The following NEIL2 variants were observed in gnomAD, a reference collection of about 807,000 sequenced individuals.
The protein encoded by NEIL2 is endonuclease 8-like 2.
Under a neutral mutation model 22.2 loss-of-function variants are expected in NEIL2, and 23 were observed. The observed-to-expected ratio is 1.04, with a 90% CI of 0.75 to 1.47. NEIL2 has a LOEUF of 1.47. Among genes scored for constraint, NEIL2 ranks in the 40% most tolerant of loss-of-function variants. The pLI is 0.00. For synonymous variants in NEIL2, 229 were observed against 164.8 expected (o/e 1.39, Z -2.99); for missense variants, 583 against 404.7 (o/e 1.44, Z -3.78).
chr8:11,776,883 C>T (rs996792448), intron 2 of NEIL2, among the ~76,000 whole-genome samples: 2 of 152,186 alleles, frequency 1.3e-5, no homozygotes, highest in African/African-American at 4.8e-5. Flanking sequence ...TGCTCCTCCT[C>T]TTGGTCCTGA....
chr8:11,784,593 C>T (rs1804730082), intron 4 of NEIL2, among the ~76,000 whole-genome samples: 2 of 152,196 alleles, frequency 1.3e-5, no homozygotes, highest in African/African-American at 2.4e-5. Context: ...AACACACAGA[C>T]ACTCACTTGA....
At chr8:11,783,671 C>G (rs1424504595) in intron 4 of NEIL2, among the ~76,000 whole-genome samples, 2 of 152,210 alleles carry the variant, frequency 1.3e-5, no homozygotes, top group African/African-American at 4.8e-5. Flanking sequence ...AGCATCACCT[C>G]CTAAAGGGTG....
chr8:11,774,743 C>G (rs1803761184), intron 2 of NEIL2, among the ~76,000 whole-genome samples: 1 of 152,196 alleles, frequency 6.6e-6, no homozygotes, highest in Non-Finnish European at 1.5e-5. Flanking sequence ...TGGGTAAATA[C>G]ACCTGTTTCA....
At chr8:11,770,806 T>G (rs1041389654) in intron 1 of NEIL2, among the ~76,000 whole-genome samples, 3 of 151,694 alleles carry the variant, frequency 2.0e-5, no homozygotes, top group Non-Finnish European at 4.4e-5. Context: ...GAGCCCTGCG[T>G]GGTGATTAGA....
chr8:11,786,376 T>C lies in NEIL2; in HGVS notation c.*103T>C. 8.6e-7 allele frequency: 1 copy of C among 1,161,650 alleles called. No homozygotes were observed. Among genetic ancestry groups the C allele is most frequent in the Non-Finnish European group, 1.3e-6 (1 of 793,266 alleles). 72.0% of individuals were successfully genotyped at this position (1,161,650 alleles called of 1,614,324 possible). On this transcript the variant is annotated 3_prime_UTR_variant, in exon 5 of 5. Coordinates refer to ENST00000284503, the MANE Select transcript of NEIL2 (RefSeq NM_145043.4). ...CAGGGACGGGGTACAGAGGATAGTG[T>C]GGGTCAGAGGTGCCAGTAGTATAAT...
intron 2 of NEIL2, among the ~76,000 whole-genome samples, chr8:11,776,211 GC>G (rs1803892327): frequency 6.6e-6 from 1 of 152,218 alleles, no homozygotes. Flanking sequence ...ATGGCAGCAG[GC>G]AAGAAAGAGC....
chr8:11,783,365 T>C lies in NEIL2; in HGVS notation c.654T>C (p.Tyr218=). The part of the protein sequence containing the change: ...EALGQAQPVC[Y]TLLDQRYFSG... Reference sequence around the variant, plus strand: ...TAGGCCAGGCTCAGCCTGTCTGCTATACACTGCTGGACCAGAGATACTTCT... The same window carrying C: ...TAGGCCAGGCTCAGCCTGTCTGCTACACACTGCTGGACCAGAGATACTTCT... Residue 218 remains tyrosine (Y), a synonymous_variant, in exon 4 of 5, where the codon TAT becomes TAC. Transcript: ENST00000284503. The C allele has an allele frequency of 6.2e-7, 1 of 1,614,196 alleles. No homozygotes were observed. Among genetic ancestry groups the C allele is most frequent in the South Asian group, 1.1e-5 (1 of 91,086 alleles).
intron 3 of NEIL2, among the ~76,000 whole-genome samples, chr8:11,781,011 A>G (rs1470008169): frequency 2.6e-5 from 4 of 151,744 alleles, no homozygotes; most frequent in Admixed American, 6.6e-5. Context: ...GGCATTTGGG[A>G]TTTTAAATTT....
intron 3 of NEIL2, among the ~76,000 whole-genome samples, chr8:11,780,522 G>T (rs528515051): frequency 2.6e-5 from 4 of 152,142 alleles, no homozygotes; most frequent in South Asian, 2.1e-4. Flanking sequence ...TGGGACTACA[G>T]GTGCGTGCCA....
chr8:11,775,832 G>T (rs1262801149), intron 2 of NEIL2, among the ~76,000 whole-genome samples: 1 of 152,146 alleles, frequency 6.6e-6, no homozygotes, highest in Non-Finnish European at 1.5e-5. Flanking sequence ...CTCCATCTGA[G>T]ACCACTTCAG....
At chr8:11,772,998 C>G (rs1441947372) in intron 2 of NEIL2, among the ~76,000 whole-genome samples, 1 of 152,140 alleles carries the variant, frequency 6.6e-6, no homozygotes, top group Non-Finnish European at 1.5e-5. Flanking sequence ...GCCCTGTACC[C>G]ATAGTTGATT....
chr8:11,770,845 A>T (rs1237240437), intron 1 of NEIL2, among the ~76,000 whole-genome samples: 1 of 152,132 alleles, frequency 6.6e-6, no homozygotes, highest in Non-Finnish European at 1.5e-5. Context: ...CTCGGGGATC[A>T]GAGATAACTG....
At chr8:11,779,991 C>T (rs1332785860) in intron 3 of NEIL2, 41 bp downstream of exon 3, 1 of 1,530,544 alleles carries the variant, frequency 6.5e-7, no homozygotes, top group African/African-American at 1.4e-5. Flanking sequence ...CTCTGATAGT[C>T]ATAGGGCCCT....
intron 3 of NEIL2, among the ~76,000 whole-genome samples, chr8:11,781,067 C>A (rs1055121228): frequency 1.3e-5 from 2 of 152,096 alleles, no homozygotes; most frequent in Non-Finnish European, 2.9e-5. Context: ...TTGTAGGTTT[C>A]CCCTTTTGCT....
At position 11,785,954 on chromosome 8, in the gene NEIL2, T is replaced by C; in HGVS notation, c.689-9T>C. On this transcript the variant is annotated splice_polypyrimidine_tract_variant and intron_variant, in intron 4 of 4. Transcript: ENST00000284503. Reference sequence around the variant, plus strand: ...TGTCCTTCCCTTACCTTCCCCCGCTTTATTTCAGGGAACATCATTAAGAAT... The same window carrying C: ...TGTCCTTCCCTTACCTTCCCCCGCTCTATTTCAGGGAACATCATTAAGAAT... 1 of 1,613,332 alleles carries C rather than the reference T, an allele frequency of 6.2e-7. No homozygotes were observed. The highest frequency in any genetic ancestry group is 1.3e-5 in the African/African-American group (1 of 75,016).
At position 11,770,835 on chromosome 8, in the gene NEIL2, C is replaced by T. The variant is rs1335386465; in HGVS notation, c.-3+500C>T. Among the ~76,000 whole-genome samples the T allele has an allele frequency of 2.6e-5, 4 of 152,224 alleles. No individual in the cohort carries two copies. In the South Asian group the frequency reaches 8.3e-4, roughly 32 times the overall value. ...GATTAGAACAGAACCACAGCTGTTT[C>T]TCGGGGATCAGAGATAACTGTCTGT... On this transcript the variant is annotated intron_variant, in intron 1 of 4. Transcript: ENST00000284503.
chr8:11,777,573 A>G (rs900668475), intron 2 of NEIL2, among the ~76,000 whole-genome samples: 2 of 151,470 alleles, frequency 1.3e-5, no homozygotes, highest in Admixed American at 6.6e-5. Context: ...TCACCTTTCT[A>G]CTTTCTGTCT....
At position 11,779,751 on chromosome 8, in the gene NEIL2, C is replaced by T; in HGVS notation, c.292C>T (p.Leu98Phe). ...CGGGGAGCCCAGCGGGCAGAAGACC[C>T]TTGATGGATCCTCACGGTCTGCAGA... ...QVGEPSGQKT[L>F]DGSSRSAELV... is the part of the protein sequence containing the mutation. The change falls in exon 3 of 5, where the codon CTT (leucine) becomes TTT (phenylalanine). Residue 98 changes from leucine to phenylalanine, a missense_variant. Physicochemically the swap from Leu to Phe is conservative, Grantham distance 22. Coordinates refer to ENST00000284503, the MANE Select transcript of NEIL2 (RefSeq NM_145043.4). 6.2e-7 allele frequency: 1 copy of T among 1,614,204 alleles called. No homozygotes were observed. The highest frequency in any genetic ancestry group is 8.5e-7 in the Non-Finnish European group (1 of 1,180,036).
rs956639962 is a variant in NEIL2, at chr8:11,786,078, T to C, written c.804T>C (p.Ser268=). The C allele has an allele frequency of 4.3e-6, 7 of 1,614,064 alleles. No individual in the cohort carries two copies. The highest frequency in any genetic ancestry group is 1.3e-5 in the African/African-American group (1 of 74,912). Reference sequence around the variant, plus strand: ...TGGTGGATCACGTGGTGGAGTTCAGTACAGCCTGGCTGCAGGGCAAGTTCC... The same window carrying C: ...TGGTGGATCACGTGGTGGAGTTCAGCACAGCCTGGCTGCAGGGCAAGTTCC... The part of the protein sequence containing the change: ...EVLVDHVVEF[S]TAWLQGKFQG... Residue 268 remains serine, a synonymous_variant, in exon 5 of 5, where the codon AGT becomes AGC. Coordinates refer to ENST00000284503, the MANE Select transcript of NEIL2 (RefSeq NM_145043.4).
Sources: gnomAD v4.1 joint callset for allele counts (sites outside exome capture counted in the v4.1 genomes callset) on GRCh38, gnomAD v4.1.1 for gene constraint, MANE v1.5 for transcripts, NCBI Gene and HGNC (gene_info 2026-07-23, HGNC 2026-07-21) for gene names.